The following LARP1B variants were observed in gnomAD, a reference collection of about 807,000 sequenced individuals.
The protein encoded by LARP1B is La ribonucleoprotein 1B, also known as la-related protein 1B.
LARP1B carries 76 observed loss-of-function variants against 114.2 expected under a neutral mutation model. That is an observed-to-expected ratio of 0.67 (90% CI 0.55 to 0.81). The LOEUF is 0.81. LARP1B is among the 30% of genes least tolerant of loss of function. The probability of loss-of-function intolerance (pLI) is 0.00; values close to 1 mark genes in which losing one functional copy is unlikely to be tolerated. For synonymous variants in LARP1B, 345 were observed against 348.0 expected, an observed-to-expected ratio of 0.99 and a Z score of 0.10; for missense variants, 1,014 against 1,075.8, an observed-to-expected ratio of 0.94 and a Z score of 0.80.
chr4:128,096,378 A>G (rs988390676), intron 7 of LARP1B, among the ~76,000 whole-genome samples: 12 of 152,198 alleles, frequency 7.9e-5, no homozygotes, highest in African/African-American at 2.9e-4. Context: ...AAAGGCTATT[A>G]TTAAATGTAT....
rs951453618 is a variant in LARP1B, at chr4:128,211,338, A to G, written c.*1285A>G. On this transcript the variant is annotated 3_prime_UTR_variant, in exon 20 of 20. Coordinates refer to ENST00000326639, the MANE Select transcript of LARP1B (RefSeq NM_018078.4). ...GGTTTCCATATGCTAAATTAATTGTATTTTCTTTTTGAGCAGATTGGATAT... is the reference window on the plus strand; with the variant it reads ...GGTTTCCATATGCTAAATTAATTGTGTTTTCTTTTTGAGCAGATTGGATAT... 1 of 969,686 alleles carries G rather than the reference A, an allele frequency of 1.0e-6. No individual in the cohort carries two copies. The highest frequency in any genetic ancestry group is 1.8e-5 in the African/African-American group (1 of 56,874). The allele number at this position is 969,686 out of a possible 1,614,324, so 60.1% of individuals were successfully genotyped here.
chr4:128,095,852 T>C lies in LARP1B; in HGVS notation c.669-2334T>C, dbSNP rs573330425. ...AACTTTCTCTGTGATTTGGAAATAG[T>C]GTGGGATTATTAAACTGTAGGCCCC... On this transcript the variant is annotated intron_variant, in intron 7 of 19. Transcript: ENST00000326639. Among the ~76,000 whole-genome samples the C allele has an allele frequency of 6.1e-4, 93 of 152,290 alleles. 2 individuals are homozygous for C. The South Asian group carries it at 0.018, about 30-fold the overall frequency.
At chr4:128,182,997 A>G (rs1479142079) in intron 15 of LARP1B, among the ~76,000 whole-genome samples, 1 of 152,220 alleles carries the variant, frequency 6.6e-6, no homozygotes, top group African/African-American at 2.4e-5. Context: ...GAGGTGCAGA[A>G]GAAAAGTTGG....
chr4:128,207,112 T>TA, intron 18 of LARP1B, 144 bp from the exon 19 acceptor site: 1 of 436,172 alleles, frequency 2.3e-6, no homozygotes, highest in East Asian at 3.8e-5. Flanking sequence ...CATTATTGGT[T>TA]AATTCATTAC....
intron 11 of LARP1B, chr4:128,155,930 G>T: frequency 6.5e-7 from 1 of 1,539,706 alleles, no homozygotes; most frequent in Non-Finnish European, 9.0e-7. Context: ...GCCAAGGAGG[G>T]GTACACAGGC....
chr4:128,066,947 G>A (rs1579682986), intron 1 of LARP1B, among the ~76,000 whole-genome samples: 2 of 151,394 alleles, frequency 1.3e-5, no homozygotes, highest in South Asian at 2.1e-4. Context: ...ACAGGCGCGC[G>A]CAACCATGGT....
intron 9 of LARP1B, among the ~76,000 whole-genome samples, chr4:128,112,304 T>G (rs1784382177): frequency 6.6e-6 from 1 of 151,922 alleles, no homozygotes; most frequent in African/African-American, 2.4e-5. Context: ...GATCCAAATG[T>G]TATATGCTCA....
intron 12 of LARP1B, among the ~76,000 whole-genome samples, chr4:128,165,989 G>A (rs1015038178): frequency 1.3e-5 from 2 of 152,028 alleles, no homozygotes; most frequent in African/African-American, 4.8e-5. Flanking sequence ...GTTTTAAAGA[G>A]CATTATTATA....
chr4:128,199,605 A>T lies in LARP1B; in HGVS notation c.2164+6A>T. The T allele has an allele frequency of 6.7e-7, 1 of 1,481,550 alleles. No individual in the cohort carries two copies. The highest frequency in any genetic ancestry group is 2.4e-5 in the East Asian group (1 of 41,604). 91.8% of individuals were successfully genotyped at this position (1,481,550 alleles called of 1,614,324 possible). A position where few individuals can be genotyped will look rare whatever the true frequency, so the allele number is the denominator to read the frequency against. Reference sequence around the variant, plus strand: ...TCGTCGAAGATGCCTAAGTGGTAAGATGCTTGTCCTTTATCTATCTAATAT... The same window carrying T: ...TCGTCGAAGATGCCTAAGTGGTAAGTTGCTTGTCCTTTATCTATCTAATAT... On this transcript the variant is annotated splice_donor_region_variant and intron_variant, in intron 16 of 19. Coordinates refer to ENST00000326639, the MANE Select transcript of LARP1B (RefSeq NM_018078.4).
intron 11 of LARP1B, among the ~76,000 whole-genome samples, chr4:128,135,142 TAAAA>T (rs528090120): frequency 1.1e-3 from 154 of 139,806 alleles, no homozygotes; most frequent in African/African-American, 3.1e-3. Context: ...AATAAATAAA[TAAAA>T]AGGATAACAA....
chr4:128,082,434 C>G (rs1309081934), intron 5 of LARP1B, 129 bp downstream of exon 5: 1 of 703,746 alleles, frequency 1.4e-6, no homozygotes, highest in Non-Finnish European at 2.4e-6. Flanking sequence ...ACCCCAAATA[C>G]CTTCAGGGTA....
intron 10 of LARP1B, among the ~76,000 whole-genome samples, chr4:128,115,515 G>A (rs1041420824): frequency 5.3e-5 from 8 of 152,152 alleles, no homozygotes; most frequent in Admixed American, 4.6e-4. Context: ...AGACTGCAGT[G>A]AGCCATGATC....
rs1028941851 is a variant in LARP1B at position 128,206,735 on chromosome 4, A to C, written c.2419+198A>C. On this transcript the variant is annotated intron_variant, in intron 18 of 19. Coordinates refer to ENST00000326639, the MANE Select transcript of LARP1B (RefSeq NM_018078.4). ...TCCTGGGAGGTGTTGGAAAGTAACTACTCTCAAGTCTTTCTTTTATGGAGG... is the reference window on the plus strand; with the variant it reads ...TCCTGGGAGGTGTTGGAAAGTAACTCCTCTCAAGTCTTTCTTTTATGGAGG... The C allele has an allele frequency of 9.1e-6, 9 of 985,014 alleles. No individual in the cohort carries two copies. In the East Asian group the frequency reaches 3.4e-4, roughly 37 times the overall value. 61.0% of individuals were successfully genotyped at this position (985,014 alleles called of 1,614,324 possible).
intron 12 of LARP1B, among the ~76,000 whole-genome samples, chr4:128,170,729 T>G (rs1175516577): frequency 6.6e-6 from 1 of 152,144 alleles, no homozygotes; most frequent in Non-Finnish European, 1.5e-5. Flanking sequence ...TTGAAGTCAG[T>G]TTATTATAGA....
chr4:128,166,942 C>G lies in LARP1B; in HGVS notation c.1648+4625C>G, dbSNP rs866737762. 4.7e-3 allele frequency among the ~76,000 whole-genome samples: 391 copies of G among 82,988 alleles called. 2 individuals carry two copies. The highest frequency in any genetic ancestry group is 8.0e-3 in the South Asian group (22 of 2,760). The allele number at this position is 82,988 out of a possible 152,430, so 54.4% of individuals were successfully genotyped here. A position where few individuals can be genotyped will look rare whatever the true frequency, so the allele number is the denominator to read the frequency against. ...TAATTATATTCTATTCTCTCTCTCT[C>G]TCTCTCTCTCTCTCTCTCTCTCTCT... On this transcript the variant is annotated intron_variant, in intron 12 of 19. Coordinates refer to ENST00000326639, the MANE Select transcript of LARP1B (RefSeq NM_018078.4).
chr4:128,083,625 A>C (rs1308727358), intron 5 of LARP1B, among the ~76,000 whole-genome samples: 58 of 81,452 alleles, frequency 7.1e-4, no homozygotes, highest in Admixed American at 1.1e-3. Context: ...CGGGGTGCTG[A>C]CCCCCCCACC....
chr4:128,156,238 C>A, intron 11 of LARP1B: 1 of 1,413,594 alleles, frequency 7.1e-7, no homozygotes, highest in Non-Finnish European at 9.9e-7. Context: ...AGGTGCCACC[C>A]TAAGCAACGT....
chr4:128,140,824 G>GTTGTTGTTTT (rs55639320), intron 11 of LARP1B, among the ~76,000 whole-genome samples: 4 of 138,628 alleles, frequency 2.9e-5, no homozygotes, highest in South Asian at 2.3e-4. Context: ...AATTGTCTCT[G>GTTGTTGTTTT]TTTTTTTTTT....
At chr4:128,208,283 G>A (rs1262147828) in intron 19 of LARP1B, among the ~76,000 whole-genome samples, 11 of 149,694 alleles carry the variant, frequency 7.3e-5, no homozygotes, top group Non-Finnish European at 1.5e-4. Context: ...GGCAGAGATT[G>A]TGCCACTGCA....
Sources: allele counts gnomAD v4.1 joint callset (sites outside exome capture counted in the v4.1 genomes callset), GRCh38; gene constraint gnomAD v4.1.1; transcripts MANE v1.5; gene names NCBI Gene and HGNC (gene_info 2026-07-23, HGNC 2026-07-21).